Variants in ITGA1 observed in about 807,000 individuals in gnomAD.
The protein encoded by ITGA1 is integrin alpha-1.
ITGA1 carries 85 observed loss-of-function variants against 145.9 expected under a neutral mutation model. That is an observed-to-expected ratio of 0.58 (90% CI 0.49 to 0.70). The LOEUF is 0.70. Ranked by LOEUF, ITGA1 falls within the 30% of genes least tolerant of loss-of-function variation. ITGA1 has a pLI of 0.00. For missense variants in ITGA1, 1,351 were observed against 1,418.7 expected (o/e 0.95, Z 0.77); for synonymous variants, 520 against 495.3 (o/e 1.05, Z -0.66).
At chr5:52,821,571 A>G (rs1748880091) in intron 1 of ITGA1, among the ~76,000 whole-genome samples, 1 of 152,186 alleles carries the variant, frequency 6.6e-6, no homozygotes, top group Admixed American at 6.5e-5. Context: ...TTGAATGCCA[A>G]ATACACTAAG....
intron 3 of ITGA1, among the ~76,000 whole-genome samples, chr5:52,863,661 G>C (rs997182185): frequency 1.3e-5 from 2 of 152,010 alleles, no homozygotes; most frequent in African/African-American, 2.4e-5. Flanking sequence ...ATTTGCAGAG[G>C]AGCTGTTTTG....
chr5:52,821,837 T>A (rs1748884576), intron 1 of ITGA1, among the ~76,000 whole-genome samples: 1 of 152,198 alleles, frequency 6.6e-6, no homozygotes, highest in African/African-American at 2.4e-5. Context: ...TGCTAGTATT[T>A]TTATTTGAGT....
intron 6 of ITGA1, among the ~76,000 whole-genome samples, chr5:52,876,096 T>C (rs1294462990): frequency 6.6e-6 from 1 of 152,198 alleles, no homozygotes; most frequent in Non-Finnish European, 1.5e-5. Flanking sequence ...ATAAATATGC[T>C]TGTGATTTTC....
intron 1 of ITGA1, chr5:52,803,144 G>A (rs142065540): frequency 6.4e-4 from 97 of 152,102 alleles, no homozygotes; most frequent in African/African-American, 2.3e-3. Flanking sequence ...TGTGTCTGTG[G>A]GCCTTCCTCC....
intron 28 of ITGA1, among the ~76,000 whole-genome samples, chr5:52,948,295 T>C (rs1404727971): frequency 2.6e-5 from 4 of 152,222 alleles, no homozygotes; most frequent in African/African-American, 4.8e-5. Flanking sequence ...AATATCCCCC[T>C]AGATTTTACC....
chr5:52,798,465 G>A (rs191245718), intron 1 of ITGA1, among the ~76,000 whole-genome samples: 21 of 152,278 alleles, frequency 1.4e-4, no homozygotes, highest in Non-Finnish European at 2.9e-4. Flanking sequence ...GTTGAGACAA[G>A]TCTCAATCAT....
At chr5:52,910,526 T>C in intron 14 of ITGA1, 107 bp downstream of exon 14, 1 of 1,224,386 alleles carries the variant, frequency 8.2e-7, no homozygotes, top group Non-Finnish European at 1.1e-6. Context: ...CTCCTGACCT[T>C]ATTGGGAAAC....
At chr5:52,894,709 C>T (rs572721333) in intron 9 of ITGA1, among the ~76,000 whole-genome samples, 1 of 152,064 alleles carries the variant, frequency 6.6e-6, no homozygotes, top group Non-Finnish European at 1.5e-5. Context: ...TGAGGACACA[C>T]TGAAAGACTG....
Position 52,915,460 on chromosome 5 carries a change from A to T in ITGA1, c.1858-4A>T, listed in dbSNP as rs1172288621. 1 of 1,612,808 alleles carries T rather than the reference A, an allele frequency of 6.2e-7. No homozygotes were observed. Among genetic ancestry groups the T allele is most frequent in the Admixed American group, 1.7e-5 (1 of 59,666 alleles). On this transcript the variant is annotated splice_polypyrimidine_tract_variant and splice_region_variant and intron_variant, in intron 14 of 28. Coordinates refer to ENST00000282588, the MANE Select transcript of ITGA1 (RefSeq NM_181501.2). ...ATGAAACTCTTTTTTTTGGATTCTC[A>T]CAGCGTATTCCATCAGGTGGGGATG...
At chr5:52,826,348 C>G (rs1748961945) in intron 1 of ITGA1, among the ~76,000 whole-genome samples, 1 of 152,176 alleles carries the variant, frequency 6.6e-6, no homozygotes, top group Admixed American at 6.5e-5. Flanking sequence ...TGGAAGCTAG[C>G]AGAGGTTGGT....
intron 11 of ITGA1, chr5:52,902,345 C>T (rs1364785586): frequency 6.6e-6 from 1 of 152,230 alleles, no homozygotes; most frequent in African/African-American, 2.4e-5. Context: ...GTTCCCCTGC[C>T]TCCTCCACCC....
chr5:52,870,843 G>C (rs1265853334), intron 6 of ITGA1, among the ~76,000 whole-genome samples: 2 of 152,202 alleles, frequency 1.3e-5, no homozygotes, highest in Non-Finnish European at 2.9e-5. Flanking sequence ...GAGGCAGTGG[G>C]ATGCATTCAC....
intron 1 of ITGA1, among the ~76,000 whole-genome samples, chr5:52,819,217 A>AC (rs1445998028): frequency 6.6e-6 from 1 of 152,158 alleles, no homozygotes; most frequent in African/African-American, 2.4e-5. Flanking sequence ...CTGAGGAATC[A>AC]CCACACTGAC....
rs192567137 is a variant in ITGA1, at chr5:52,887,829, C to T, written c.788C>T (p.Thr263Met). 62 of 1,612,100 alleles carry T rather than the reference C, an allele frequency of 3.8e-5. No homozygotes were observed. In the African/African-American group the frequency reaches 4.3e-4, roughly 11 times the overall value. Residue 263 changes from threonine to methionine, a missense_variant, in exon 8 of 29, where the codon ACG becomes ATG. Physicochemically the swap from Thr to Met is moderately conservative, Grantham distance 81. Coordinates refer to ENST00000282588, the MANE Select transcript of ITGA1 (RefSeq NM_181501.2). ...GATTACTTTAGAAAGGAGGCATTCA[C>T]GGAAGCCCGGGGTGCCCGAAGAGGA... ...GIDTARKEAF[T>M]EARGARRGVK... is the part of the protein sequence containing the mutation.
intron 6 of ITGA1, among the ~76,000 whole-genome samples, chr5:52,876,535 T>C (rs1404394956): frequency 6.6e-6 from 1 of 152,170 alleles, no homozygotes; most frequent in East Asian, 1.9e-4. Flanking sequence ...CCTCTTCACA[T>C]TTCCCAGACT....
intron 2 of ITGA1, among the ~76,000 whole-genome samples, chr5:52,856,175 C>A (rs1226800130): frequency 6.6e-6 from 1 of 152,148 alleles, no homozygotes; most frequent in African/African-American, 2.4e-5. Flanking sequence ...TATAAGCAAG[C>A]TTTATTCTGA....
chr5:52,839,331 A>G (rs1481088669), intron 1 of ITGA1, among the ~76,000 whole-genome samples: 1 of 152,180 alleles, frequency 6.6e-6, no homozygotes, highest in African/African-American at 2.4e-5. Context: ...TTTTGTTTTC[A>G]TTCATTTCTA....
At chr5:52,795,434 G>GT (rs1312099979) in intron 1 of ITGA1, among the ~76,000 whole-genome samples, 1 of 151,736 alleles carries the variant, frequency 6.6e-6, no homozygotes, top group Non-Finnish European at 1.5e-5. Flanking sequence ...TAAGCAGAGG[G>GT]TATTAAAACA....
At chr5:52,868,628 T>C (rs1231542305) in intron 6 of ITGA1, among the ~76,000 whole-genome samples, 1 of 152,176 alleles carries the variant, frequency 6.6e-6, no homozygotes, top group Non-Finnish European at 1.5e-5. Flanking sequence ...AGGAGGGCCC[T>C]TGGGGTCCAG....
Sources: allele counts gnomAD v4.1 joint callset (sites outside exome capture counted in the v4.1 genomes callset), GRCh38; gene constraint gnomAD v4.1.1; transcripts MANE v1.5; gene names NCBI Gene and HGNC (gene_info 2026-07-23, HGNC 2026-07-21).